PKIB: variants seen among roughly 807,000 people sequenced by gnomAD.
The protein encoded by PKIB is cAMP-dependent protein kinase inhibitor beta.
PKIB carries 2 observed loss-of-function variants against 4.5 expected under a neutral mutation model. That is an observed-to-expected ratio of 0.44 (90% CI 0.18 to 1.39). The LOEUF (loss-of-function observed/expected upper bound fraction) is 1.39. Among genes scored for constraint, PKIB ranks in the 40% most tolerant of loss-of-function variants. PKIB has a pLI of 0.27. For missense variants in PKIB, 94 were observed against 92.6 expected, an observed-to-expected ratio of 1.02 and a Z score of -0.06; for synonymous variants, 38 against 36.0, an observed-to-expected ratio of 1.06 and a Z score of -0.20.
At chr6:122,703,251 A>G (rs911216499) in intron 3 of PKIB, among the ~76,000 whole-genome samples, 1 of 152,172 alleles carries the variant, frequency 6.6e-6, no homozygotes, top group African/African-American at 2.4e-5. Context: ...TAGCCTTAAT[A>G]TATTTGAAAA....
upstream of PKIB, among the ~76,000 whole-genome samples, chr6:122,606,574 A>AAAAAAAAAAAG (rs1212776700): frequency 6.6e-6 from 1 of 151,326 alleles, no homozygotes; most frequent in South Asian, 2.1e-4. Flanking sequence ...TCTGTCTCAA[A>AAAAAAAAAAAG]AAAGAAAAAA....
intron 2 of PKIB, among the ~76,000 whole-genome samples, chr6:122,496,581 A>G (rs1365749364): frequency 6.6e-6 from 1 of 152,220 alleles, no homozygotes; most frequent in Non-Finnish European, 1.5e-5. Flanking sequence ...AAATTCTAAA[A>G]TACAATTGAA....
chr6:122,506,941 T>A (rs1413814217), intron 2 of PKIB, among the ~76,000 whole-genome samples: 4 of 151,820 alleles, frequency 2.6e-5, no homozygotes, highest in Admixed American at 2.0e-4. Flanking sequence ...GACCTCGTGA[T>A]CCGCCCGCCT....
intron 2 of PKIB, among the ~76,000 whole-genome samples, chr6:122,567,009 C>A (rs6934682): frequency 6.6e-6 from 1 of 152,224 alleles, no homozygotes; most frequent in African/African-American, 2.4e-5. Context: ...CAAATGTCTT[C>A]CCAAAATAAT....
intron 2 of PKIB, among the ~76,000 whole-genome samples, chr6:122,517,207 C>T (rs1024699223): frequency 6.6e-5 from 10 of 152,080 alleles, no homozygotes; most frequent in African/African-American, 2.4e-4. Context: ...TTCTAATCAC[C>T]ATTCAAGTCA....
intron 2 of PKIB, among the ~76,000 whole-genome samples, chr6:122,582,509 G>A (rs1190574448): frequency 6.6e-6 from 1 of 152,052 alleles, no homozygotes; most frequent in Non-Finnish European, 1.5e-5. Context: ...TTTCTCAAAA[G>A]CCATTTGCAC....
intron 1 of PKIB, among the ~76,000 whole-genome samples, chr6:122,618,538 T>C (rs1010187488): frequency 6.6e-6 from 1 of 152,132 alleles, no homozygotes; most frequent in African/African-American, 2.4e-5. Flanking sequence ...AAAAAAGGTC[T>C]ATTTATATTT....
rs536809180 is a variant in PKIB, at chr6:122,539,872, C to G, written c.-247-46049C>G. On this transcript the variant is annotated intron_variant, in intron 2 of 6. Transcript: ENST00000392491. ...CACAATTTCAGATCCTGTTATTGGT[C>G]TATTCAGAGATTCAACTTCTTCCTG... is the stretch of plus-strand genomic sequence containing the variant. 4.9e-4 allele frequency among the ~76,000 whole-genome samples: 74 copies of G among 152,134 alleles called. 1 individual carries two copies. The highest frequency in any genetic ancestry group is 6.8e-3 in the Middle Eastern group (2 of 294).
At chr6:122,533,166 A>G (rs1777309245) in intron 2 of PKIB, among the ~76,000 whole-genome samples, 1 of 150,718 alleles carries the variant, frequency 6.6e-6, no homozygotes, top group South Asian at 2.1e-4. Flanking sequence ...TTATTTATTT[A>G]TTTATTTATT....
At chr6:122,659,869 G>GA (rs1355989867) in intron 2 of PKIB, among the ~76,000 whole-genome samples, 1 of 150,396 alleles carries the variant, frequency 6.6e-6, no homozygotes, top group African/African-American at 2.4e-5. Flanking sequence ...ACAATTAAAA[G>GA]AAAAAAATGG....
At chr6:122,471,921 G>A (rs1775314778), upstream of PKIB, 1 of 1,348,434 alleles carries the variant, frequency 7.4e-7, no homozygotes, top group Non-Finnish European at 9.8e-7. Flanking sequence ...CGCTGAGACT[G>A]CGCATGCGCG....
chr6:122,724,083 T>C (rs1779846836), intron 4 of PKIB, among the ~76,000 whole-genome samples: 1 of 152,156 alleles, frequency 6.6e-6, no homozygotes, highest in Non-Finnish European at 1.5e-5. Flanking sequence ...GCAGGAGTAG[T>C]AGACCTAAAT....
chr6:122,611,494 G>A (rs1253132412), intron 1 of PKIB, among the ~76,000 whole-genome samples: 9 of 152,036 alleles, frequency 5.9e-5, no homozygotes, highest in Non-Finnish European at 1.5e-5. Context: ...GATTTGAGGC[G>A]AATGACCACT....
intron 2 of PKIB, among the ~76,000 whole-genome samples, chr6:122,570,848 T>C (rs554887329): frequency 3.7e-4 from 56 of 152,214 alleles, no homozygotes; most frequent in African/African-American, 9.4e-4. Context: ...AAAAGAGAGT[T>C]CTGTAACACC....
intron 2 of PKIB, among the ~76,000 whole-genome samples, chr6:122,549,765 CTT>C (rs1038447773): frequency 4.0e-5 from 6 of 150,196 alleles, no homozygotes; most frequent in African/African-American, 1.5e-4. Flanking sequence ...GAGGCAATCA[CTT>C]TTGATTTCTT....
At chr6:122,602,955 CAAA>C (rs71021410) in intron 3 of PKIB, among the ~76,000 whole-genome samples, 3 of 74,872 alleles carry the variant, frequency 4.0e-5, no homozygotes, top group African/African-American at 1.2e-4. Context: ...GACTGCGTCT[CAAA>C]AAAAAAAAAA....
chr6:122,657,016 TTAAAA>T (rs1449426827), intron 2 of PKIB, among the ~76,000 whole-genome samples: 1 of 152,222 alleles, frequency 6.6e-6, no homozygotes, highest in African/African-American at 2.4e-5. Context: ...TAGTCTTCAA[TTAAAA>T]TAAATTTTAT....
intron 2 of PKIB, among the ~76,000 whole-genome samples, chr6:122,573,521 C>CAAAAAAAAAAAAAAAGAAA (rs1773433693): frequency 1.1e-5 from 1 of 87,590 alleles, no homozygotes. Context: ...GACTCTGTCT[C>CAAAAAAAAAAAAAAAGAAA]AAAAAAAAAA....
intron 2 of PKIB, among the ~76,000 whole-genome samples, chr6:122,571,734 G>A (rs1773372533): frequency 6.6e-6 from 1 of 152,154 alleles, no homozygotes; most frequent in Admixed American, 6.5e-5. Context: ...GCTAAATGGA[G>A]TTCCATATCT....
Sources: gnomAD v4.1 joint callset for allele counts (sites outside exome capture counted in the v4.1 genomes callset) on GRCh38, gnomAD v4.1.1 for gene constraint, MANE v1.5 for transcripts, NCBI Gene and HGNC (gene_info 2026-07-23, HGNC 2026-07-21) for gene names.